Variants in GPAT3 observed in about 807,000 individuals in gnomAD.
GPAT3 encodes 1-AGP acyltransferase 9.
Under a neutral mutation model 58.8 loss-of-function variants are expected in GPAT3, and 53 were observed. The observed-to-expected ratio is 0.90, with a 90% confidence interval of 0.72 to 1.13. GPAT3 has a LOEUF of 1.13. GPAT3 is among the 50% of genes most tolerant of loss of function. GPAT3 has a pLI of 0.00. For synonymous variants in GPAT3, 197 were observed against 187.4 expected (o/e 1.05, Z -0.42); for missense variants, 511 against 527.6 (o/e 0.97, Z 0.31).
At chr4:83,546,941 C>G (rs1560602415) in intron 2 of GPAT3, among the ~76,000 whole-genome samples, 1 of 152,018 alleles carries the variant, frequency 6.6e-6, no homozygotes, top group Non-Finnish European at 1.5e-5. Context: ...GGGGTGTGTG[C>G]CCTGTTGATA....
intron 2 of GPAT3, among the ~76,000 whole-genome samples, chr4:83,565,702 G>T (rs1329763895): frequency 6.6e-6 from 1 of 152,118 alleles, no homozygotes; most frequent in Non-Finnish European, 1.5e-5. Flanking sequence ...CACCCGGTGG[G>T]TACCCCGAGT....
intron 6 of GPAT3, among the ~76,000 whole-genome samples, chr4:83,592,538 A>T (rs541019942): frequency 6.6e-6 from 1 of 152,228 alleles, no homozygotes; most frequent in Non-Finnish European, 1.5e-5. Flanking sequence ...AGATGTTTTG[A>T]TAGATGTATA....
chr4:83,588,228 T>C lies in GPAT3; in HGVS notation c.573T>C (p.Ser191=), dbSNP rs745876112. 2.5e-6 allele frequency: 4 copies of C among 1,613,990 alleles called. No homozygotes were observed. Residue 191 remains serine, a synonymous_variant, in exon 5 of 12, where the codon AGT becomes AGC. Coordinates refer to ENST00000264409, the MANE Select transcript of GPAT3 (RefSeq NM_032717.5). ...LPDSSLKNWL[S]ELVHLTCCRI... The stretch of plus-strand genomic sequence containing the variant: ...CCTTCAGCCTCAAAAACTGGCTGAG[T>C]GAACTGGTCCATCTGACTTGCTGCC...
rs375576026 is a variant in GPAT3 at position 83,539,226 on chromosome 4, A to T, written c.141+2463A>T. ...TGATGTTTAGCATTAGAACATCTTC[A>T]GTGCTGGCCAAATACCCTGCCTTTC... On this transcript the variant is annotated intron_variant, in intron 1 of 11. Transcript: ENST00000264409. Among the ~76,000 whole-genome samples the T allele has an allele frequency of 7.2e-5, 11 of 152,338 alleles. 1 individual carries two copies. In the South Asian group the frequency reaches 2.3e-3, roughly 32 times the overall value.
chr4:83,561,113 C>T (rs993795190), intron 2 of GPAT3, among the ~76,000 whole-genome samples: 1 of 152,154 alleles, frequency 6.6e-6, no homozygotes, highest in Admixed American at 6.5e-5. Context: ...GCAAATAACA[C>T]CCTTCTTCAA....
At chr4:83,537,589 ATATGTGTGTGTGTG>A (rs1724149166) in intron 1 of GPAT3, among the ~76,000 whole-genome samples, 1 of 125,392 alleles carries the variant, frequency 8.0e-6, no homozygotes, top group African/African-American at 3.0e-5. Flanking sequence ...TATATGTATA[ATATGTGTGTGTGTG>A]TGTGTGTGTG....
intron 6 of GPAT3, among the ~76,000 whole-genome samples, chr4:83,592,227 T>G (rs529131900): frequency 1.4e-4 from 22 of 152,290 alleles, no homozygotes; most frequent in African/African-American, 5.1e-4. Flanking sequence ...TTTTAGATCA[T>G]GTATAACCGC....
intron 11 of GPAT3, among the ~76,000 whole-genome samples, chr4:83,600,536 C>T (rs1051776449): frequency 6.6e-6 from 1 of 152,078 alleles, no homozygotes; most frequent in Admixed American, 6.6e-5. Flanking sequence ...ATGGAGTCCT[C>T]TCTGTCACCC....
intron 2 of GPAT3, among the ~76,000 whole-genome samples, chr4:83,554,644 C>T (rs148700292): frequency 3.8e-4 from 58 of 152,096 alleles, no homozygotes; most frequent in African/African-American, 1.4e-3. Context: ...GAAAAGAATC[C>T]CAGTTTGTCT....
chr4:83,549,444 CGTGT>C lies in GPAT3; in HGVS notation c.208+4863_208+4866del, dbSNP rs142294690. On this transcript the variant is annotated intron_variant, in intron 2 of 11. Transcript: ENST00000264409. The stretch of plus-strand genomic sequence containing the variant: ...GGTTGGGGCTTTCTTTTTTATTTTG[CGTGT>C]GTGTGTGTGTGTGTGTGTGTATGTA... 8.0e-3 allele frequency among the ~76,000 whole-genome samples: 1,165 copies of C among 145,796 alleles called. 19 individuals are homozygous for C. The highest frequency in any genetic ancestry group is 0.027 in the African/African-American group (1,084 of 39,894).
chr4:83,560,831 C>T (rs560674479), intron 2 of GPAT3, among the ~76,000 whole-genome samples: 12 of 152,220 alleles, frequency 7.9e-5, no homozygotes, highest in Admixed American at 1.3e-4. Context: ...ACCTCCCCTC[C>T]GTCTCTCTCT....
At chr4:83,598,827 A>G (rs1359893753) in intron 11 of GPAT3, 104 bp downstream of exon 11, 3 of 769,294 alleles carry the variant, frequency 3.9e-6, no homozygotes, top group Admixed American at 3.6e-5. Flanking sequence ...GGAGTGCAGT[A>G]GCATGATCAT....
Position 83,544,537 on chromosome 4 carries a change from G to A in GPAT3, c.143G>A (p.Trp48Ter), listed in dbSNP as rs377491917. 4 of 1,613,664 alleles carry A rather than the reference G, an allele frequency of 2.5e-6. No individual in the cohort carries two copies. In the African/African-American group the frequency reaches 4.0e-5, roughly 16 times the overall value. Residue 48 changes from tryptophan (W) to a stop codon, truncating the protein, a stop_gained and splice_region_variant, in exon 2 of 12, where the codon TGG becomes TAG. Transcript: ENST00000264409. LOFTEE classifies it high-confidence loss of function. ...YMKILVKTLEWATIRIEKGTP... is the reference protein window; with the variant it reads ...YMKILVKTLE The stretch of plus-strand genomic sequence containing the variant: ...TTAATATTTCTTGTTTTTGAACAGT[G>A]GGCCACAATACGAATTGAAAAAGGA...
intron 1 of GPAT3, among the ~76,000 whole-genome samples, chr4:83,541,243 T>G (rs1724291288): frequency 6.6e-6 from 1 of 152,088 alleles, no homozygotes; most frequent in South Asian, 2.1e-4. Context: ...CATATCTTTT[T>G]TTTTTTTGAG....
intron 6 of GPAT3, among the ~76,000 whole-genome samples, chr4:83,593,234 G>A (rs555723382): frequency 1.4e-4 from 20 of 139,486 alleles, no homozygotes; most frequent in East Asian, 6.3e-4. Context: ...GTATGATCTC[G>A]GCTCACTGCA....
chr4:83,578,971 TC>T (rs1560620682), intron 2 of GPAT3, among the ~76,000 whole-genome samples: 57 of 126,826 alleles, frequency 4.5e-4, no homozygotes, highest in Middle Eastern at 3.5e-3. Flanking sequence ...TTTCTTTCTT[TC>T]TTTCTTTCTT....
chr4:83,582,362 T>C (rs1222139479), intron 3 of GPAT3, among the ~76,000 whole-genome samples: 3 of 152,234 alleles, frequency 2.0e-5, no homozygotes, highest in Non-Finnish European at 4.4e-5. Context: ...CTTATTAAAG[T>C]GTCCCCACCT....
intron 2 of GPAT3, among the ~76,000 whole-genome samples, chr4:83,559,322 G>A (rs548553324): frequency 6.6e-6 from 1 of 151,742 alleles, no homozygotes; most frequent in African/African-American, 2.4e-5. Context: ...AAGCAGGAAA[G>A]ATTTTTTTTT....
intron 11 of GPAT3, among the ~76,000 whole-genome samples, chr4:83,600,351 C>T (rs1727011650): frequency 6.6e-6 from 1 of 152,044 alleles, no homozygotes; most frequent in Non-Finnish European, 1.5e-5. Flanking sequence ...ACCCTCATGA[C>T]CTCATCTAAC....
Sources: gnomAD v4.1 joint callset for allele counts (sites outside exome capture counted in the v4.1 genomes callset) on GRCh38, gnomAD v4.1.1 for gene constraint, MANE v1.5 for transcripts, NCBI Gene and HGNC (gene_info 2026-07-23, HGNC 2026-07-21) for gene names.